DOCK9: variants seen among roughly 807,000 people sequenced by gnomAD.
The protein encoded by DOCK9 is dedicator of cytokinesis 9.
In DOCK9, 89 loss-of-function variants were observed where a neutral mutation model predicts 263.3. That is an observed-to-expected ratio of 0.34 (90% confidence interval 0.28 to 0.40). The LOEUF (loss-of-function observed/expected upper bound fraction) is 0.40. Ranked by LOEUF, DOCK9 falls within the 10% of genes least tolerant of loss-of-function variation. The pLI, the probability that DOCK9 is intolerant of heterozygous loss-of-function variation, is 1.00. For missense variants in DOCK9, 2,140 were observed against 2,603.4 expected, an observed-to-expected ratio of 0.82 and a Z score of 3.87; for synonymous variants, 976 against 973.1, an observed-to-expected ratio of 1.00 and a Z score of -0.06.
chr13:98,859,751 G>GTATATATATATATATATATATATATA (rs544974823), intron 33 of DOCK9: 3 of 139,328 alleles, frequency 2.2e-5, no homozygotes, highest in South Asian at 2.4e-4. Flanking sequence ...GTGTGTGTGT[G>GTATATATATATATATATATATATATA]TGTATATATA....
At chr13:98,979,448 C>T (rs74111263), upstream of DOCK9, among the ~76,000 whole-genome samples, 1,074 of 152,194 alleles carry the variant, frequency 7.1e-3, 11 homozygotes, top group African/African-American at 0.024. Flanking sequence ...ACCCAGTCCT[C>T]GCACAGCCGC....
At chr13:98,931,510 G>C (rs1052134605) in intron 2 of DOCK9, among the ~76,000 whole-genome samples, 7 of 151,970 alleles carry the variant, frequency 4.6e-5, no homozygotes, top group African/African-American at 1.7e-4. Flanking sequence ...GTGTTAGCCA[G>C]GATGGTCTCA....
intron 27 of DOCK9, among the ~76,000 whole-genome samples, chr13:98,874,934 C>T (rs1464922815): frequency 6.6e-6 from 1 of 152,032 alleles, no homozygotes; most frequent in Non-Finnish European, 1.5e-5. Flanking sequence ...CACTCTTTCC[C>T]CTCTAATCTC....
intron 39 of DOCK9, 107 bp from the exon 40 acceptor site, chr13:98,831,893 T>TA: frequency 7.3e-7 from 1 of 1,361,906 alleles, no homozygotes; most frequent in East Asian, 2.3e-5. Flanking sequence ...AGACAACTTA[T>TA]ACTTTAAACA....
At chr13:99,067,105 C>T (rs890321103) in intron 1 of DOCK9, among the ~76,000 whole-genome samples, 67 of 152,152 alleles carry the variant, frequency 4.4e-4, no homozygotes, top group African/African-American at 1.4e-3. Context: ...AATAGCCAAG[C>T]GGCAGAGGAC....
chr13:98,838,592 T>C (rs1312113483), intron 38 of DOCK9, among the ~76,000 whole-genome samples: 2 of 152,242 alleles, frequency 1.3e-5, no homozygotes, highest in African/African-American at 2.4e-5. Context: ...ATATCTTCTA[T>C]ATGTGGCAAA....
intron 34 of DOCK9, chr13:98,854,646 G>A (rs1186038978): frequency 6.6e-6 from 1 of 152,142 alleles, no homozygotes; most frequent in Non-Finnish European, 1.5e-5. Context: ...AAAATCCACA[G>A]TGACCCGGTT....
intron 1 of DOCK9, chr13:99,015,618 G>C: frequency 2.5e-6 from 4 of 1,580,406 alleles, no homozygotes; most frequent in Non-Finnish European, 3.4e-6. Context: ...TCCCCAAGGT[G>C]TGGATGTTCA....
upstream of DOCK9, chr13:98,978,181 ACAGTGTACTGCCTCTCTG>A (rs968989306): frequency 9.1e-7 from 1 of 1,097,844 alleles, no homozygotes; most frequent in Non-Finnish European, 1.2e-6. Context: ...TGAACAATAC[ACAGTGTACTGCCTCTCTG>A]ATAAAGACCG....
At chr13:98,920,323 A>G (rs2051728382) in intron 7 of DOCK9, among the ~76,000 whole-genome samples, 1 of 152,228 alleles carries the variant, frequency 6.6e-6, no homozygotes, top group South Asian at 2.1e-4. Flanking sequence ...TAACAAAACT[A>G]TCTAATACTG....
chr13:98,809,428 T>C lies in DOCK9; in HGVS notation c.5291A>G (p.Tyr1764Cys). 6.2e-7 allele frequency: 1 copy of C among 1,613,172 alleles called. No homozygotes were observed. Among genetic ancestry groups the C allele is most frequent in the Non-Finnish European group, 8.5e-7 (1 of 1,179,598 alleles). ...AHLYDTLHRAYSKVTEVMHSG... is the reference protein window; with the variant it reads ...AHLYDTLHRACSKVTEVMHSG... ...GTGCATGACCTCGGTCACTTTGCTGTAGGCCCGGTGCAGCGTGTCATACAG... is the reference window on the plus strand; with the variant it reads ...GTGCATGACCTCGGTCACTTTGCTGCAGGCCCGGTGCAGCGTGTCATACAG... The change falls in exon 47 of 53, where the codon TAC becomes TGC. Residue 1764 changes from tyrosine (Y) to cysteine (C), a missense_variant. Around this residue, in one of 2 missense-constraint regions of DOCK9, gnomAD observed 619 missense variants for 861.8 expected, o/e 0.72. Transcript: ENST00000682017.
rs530554630 is a variant in DOCK9, at chr13:98,987,206, C to T, written c.130-31655G>A. 5.9e-5 allele frequency among the ~76,000 whole-genome samples: 9 copies of T among 152,304 alleles called. No homozygotes were observed. The South Asian group carries it at 1.7e-3, about 28-fold the overall frequency. On this transcript the variant is annotated intron_variant, in intron 1 of 32. Transcript: ENST00000427887. ...TAAAGTGTCAGGTGATAAATATTAGCTTGATATAATCATTCCACAATGTAA... is the reference window on the plus strand; with the variant it reads ...TAAAGTGTCAGGTGATAAATATTAGTTTGATATAATCATTCCACAATGTAA...
chr13:99,087,870 C>T (rs1028996754), upstream of DOCK9: 4 of 152,312 alleles, frequency 2.6e-5, no homozygotes, highest in Non-Finnish European at 4.4e-5. Context: ...GAGTGGTGGT[C>T]TTGAAAACCC....
intron 1 of DOCK9, among the ~76,000 whole-genome samples, chr13:99,047,882 A>G (rs2040509887): frequency 6.6e-6 from 1 of 152,062 alleles, no homozygotes; most frequent in South Asian, 2.1e-4. Context: ...CCTGGATACA[A>G]ACTCAATGTA....
At chr13:98,796,310 C>T (rs1161687989) in intron 52 of DOCK9, 1 of 1,014,414 alleles carries the variant, frequency 9.9e-7, no homozygotes, top group Non-Finnish European at 1.5e-6. Context: ...ACTAAACTGT[C>T]AGGGGATAGG....
intron 3 of DOCK9, among the ~76,000 whole-genome samples, chr13:98,927,978 TTTATAA>T (rs1000873580): frequency 6.4e-4 from 94 of 147,990 alleles, no homozygotes; most frequent in African/African-American, 2.1e-3. Flanking sequence ...TGTTCATATA[TTTATAA>T]TTATAAGGAA....
chr13:99,086,232 G>T (rs1029330235), exon 1 of DOCK9: 6 of 1,504,178 alleles, frequency 4.0e-6, no homozygotes, highest in Non-Finnish European at 3.5e-6. Flanking sequence ...CCAGGAGCAC[G>T]GAGCCGCGCA....
intron 2 of DOCK9, among the ~76,000 whole-genome samples, chr13:98,940,631 A>C (rs2055667384): frequency 6.6e-6 from 1 of 152,186 alleles, no homozygotes; most frequent in Non-Finnish European, 1.5e-5. Flanking sequence ...AAGCTCACCT[A>C]ACATAGATTC....
At chr13:98,840,408 T>C (rs2093168366) in intron 38 of DOCK9, among the ~76,000 whole-genome samples, 1 of 152,184 alleles carries the variant, frequency 6.6e-6, no homozygotes, top group Non-Finnish European at 1.5e-5. Flanking sequence ...CTGACACACA[T>C]GCCCCGGGAT....
Sources: gnomAD v4.1 joint callset for allele counts (sites outside exome capture counted in the v4.1 genomes callset) on GRCh38, gnomAD v4.1.1 for gene constraint, gnomAD v4.1.1 regional missense constraint, MANE v1.5 for transcripts, NCBI Gene and HGNC (gene_info 2026-07-23, HGNC 2026-07-21) for gene names.